MALRD1: variants seen among roughly 807,000 people sequenced by gnomAD.
MALRD1 encodes MAM and LDL-receptor class A domain-containing protein 1.
MALRD1 carries 247 observed loss-of-function variants against 242.1 expected under a neutral mutation model. That is an observed-to-expected ratio of 1.02 (90% CI 0.92 to 1.13). The LOEUF (loss-of-function observed/expected upper bound fraction) is 1.13, where lower values mean the gene tolerates loss of function less well. Ranked by LOEUF, MALRD1 falls within the 50% of genes most tolerant of loss-of-function variation. MALRD1 has a pLI of 0.00. For synonymous variants in MALRD1, 995 were observed against 866.6 expected, an observed-to-expected ratio of 1.15 and a Z score of -2.60; for missense variants, 2,989 against 2,533.1, an observed-to-expected ratio of 1.18 and a Z score of -3.86.
chr10:19,431,678 C>T (rs918940766), intron 28 of MALRD1, among the ~76,000 whole-genome samples: 1 of 152,128 alleles, frequency 6.6e-6, no homozygotes, highest in Non-Finnish European at 1.5e-5. Flanking sequence ...ATTTGTTGTT[C>T]CTTTATACAC....
chr10:19,353,224 C>T (rs1844475659), intron 26 of MALRD1, among the ~76,000 whole-genome samples: 1 of 152,028 alleles, frequency 6.6e-6, no homozygotes, highest in Non-Finnish European at 1.5e-5. Context: ...CTAGGTTGGT[C>T]TCAGACTCTG....
At chr10:19,520,204 C>A (rs981179667) in intron 31 of MALRD1, among the ~76,000 whole-genome samples, 2 of 151,934 alleles carry the variant, frequency 1.3e-5, no homozygotes, top group Non-Finnish European at 2.9e-5. Context: ...GTATCTAAAG[C>A]AAAAGCCTGT....
At chr10:19,081,319 G>A (rs552867489) in intron 2 of MALRD1, among the ~76,000 whole-genome samples, 8 of 152,252 alleles carry the variant, frequency 5.3e-5, no homozygotes, top group African/African-American at 9.6e-5. Context: ...ACATGCGTAT[G>A]TTCATTGGAG....
chr10:19,283,115 G>T lies in MALRD1; in HGVS notation c.3353G>T (p.Gly1118Val), dbSNP rs1402915932. The T allele has an allele frequency of 6.5e-7, 1 of 1,549,566 alleles. No homozygotes were observed. Residue 1118 changes from glycine to valine, a missense_variant, in exon 21 of 40, where the codon GGG (glycine) becomes GTG (valine). Gly to Val is a moderately radical substitution (Grantham distance 109). Transcript: ENST00000454679. ...CAAGATTCAAACACATTCAGGTGGGGGCTTGGGAACGGGATCAGCATTCAT... is the reference window on the plus strand; with the variant it reads ...CAAGATTCAAACACATTCAGGTGGGTGCTTGGGAACGGGATCAGCATTCAT... ...LLQDSNTFRW[G>V]LGNGISIHHG...
Position 19,569,745 on chromosome 10 carries a change from T to A in MALRD1, c.5680+2042T>A, listed in dbSNP as rs995525648. Among the ~76,000 whole-genome samples the A allele has an allele frequency of 6.8e-5, 10 of 147,236 alleles. No individual in the cohort carries two copies. In the East Asian group the frequency reaches 2.0e-3, roughly 29 times the overall value. On this transcript the variant is annotated intron_variant, in intron 33 of 39. Coordinates refer to ENST00000454679, the MANE Select transcript of MALRD1 (RefSeq NM_001142308.3). ...CTTATATATTAACATGCAGTCCATA[T>A]ATAGAATTCCATATTTATCATTATA... is the stretch of plus-strand genomic sequence containing the variant.
At chr10:19,533,048 G>A (rs1026077770) in intron 32 of MALRD1, among the ~76,000 whole-genome samples, 2 of 152,098 alleles carry the variant, frequency 1.3e-5, no homozygotes, top group African/African-American at 2.4e-5. Flanking sequence ...ATCAAAGCAA[G>A]CATCAGTGGA....
chr10:19,458,807 T>A (rs1016944733), intron 29 of MALRD1, among the ~76,000 whole-genome samples: 1 of 152,216 alleles, frequency 6.6e-6, no homozygotes, highest in African/African-American at 2.4e-5. Context: ...ATATCCCAGA[T>A]AGTATATCTA....
At position 19,049,226 on chromosome 10, in the gene MALRD1, C is replaced by G. The variant is rs564124757; in HGVS notation, c.199+89C>G. Reference sequence around the variant, plus strand: ...GCAGTCTGGGAGATTTGGCTAGATACTTGGCTCTGTATGCATTGTATCTTG... The same window carrying G: ...GCAGTCTGGGAGATTTGGCTAGATAGTTGGCTCTGTATGCATTGTATCTTG... On this transcript the variant is annotated intron_variant, in intron 1 of 39. Transcript: ENST00000454679. 3.4e-4 allele frequency: 358 copies of G among 1,063,518 alleles called. No homozygotes were observed. The Middle Eastern group carries it at 6.4e-3, about 19-fold the overall frequency. The allele number at this position is 1,063,518 out of a possible 1,614,324, so 65.9% of individuals were successfully genotyped here. A position where few individuals can be genotyped will look rare whatever the true frequency, so the allele number is the denominator to read the frequency against.
intron 18 of MALRD1, among the ~76,000 whole-genome samples, chr10:19,247,092 G>A (rs1295046265): frequency 6.6e-6 from 1 of 152,168 alleles, no homozygotes; most frequent in East Asian, 1.9e-4. Context: ...ATCAAAAATA[G>A]TTGATTTGCA....
At chr10:19,288,630 T>C (rs1841256278) in intron 21 of MALRD1, among the ~76,000 whole-genome samples, 1 of 152,138 alleles carries the variant, frequency 6.6e-6, no homozygotes, top group Non-Finnish European at 1.5e-5. Context: ...TGAGGTTCCG[T>C]AACTAGTATC....
At chr10:19,147,319 G>A (rs967725882) in intron 11 of MALRD1, among the ~76,000 whole-genome samples, 3 of 152,204 alleles carry the variant, frequency 2.0e-5, no homozygotes, top group Non-Finnish European at 4.4e-5. Context: ...GTTGGTGGTA[G>A]TGGGTGAGAG....
chr10:19,297,348 A>T (rs964956205), intron 21 of MALRD1, among the ~76,000 whole-genome samples: 1 of 151,844 alleles, frequency 6.6e-6, no homozygotes, highest in African/African-American at 2.4e-5. Context: ...TAAAACAGTT[A>T]ATTCTATAAT....
At chr10:19,404,080 A>G (rs1846985405) in intron 28 of MALRD1, among the ~76,000 whole-genome samples, 1 of 152,130 alleles carries the variant, frequency 6.6e-6, no homozygotes, top group South Asian at 2.1e-4. Flanking sequence ...AATATAGTAA[A>G]GCTTAGAGAA....
At chr10:19,303,126 C>A (rs916486251) in intron 21 of MALRD1, among the ~76,000 whole-genome samples, 2 of 151,550 alleles carry the variant, frequency 1.3e-5, no homozygotes, top group African/African-American at 4.8e-5. Context: ...CAAAACCCAA[C>A]TGTATGGTAC....
In MALRD1 at chr10:19,715,878, G is replaced by C. The variant is rs1834361759; in HGVS notation, c.6315-14828G>C. On this transcript the variant is annotated intron_variant, in intron 38 of 39. Coordinates refer to ENST00000454679, the MANE Select transcript of MALRD1 (RefSeq NM_001142308.3). The stretch of plus-strand genomic sequence containing the variant: ...GACCTCTCATGGATTCCTAGAGTGA[G>C]AACTCACTCATTACTGCAAGGGCAG... Among the ~76,000 whole-genome samples the C allele has an allele frequency of 1.3e-5, 2 of 152,180 alleles. 1 individual carries two copies. The highest frequency in any genetic ancestry group is 4.1e-4 in the South Asian group (2 of 4,830).
At chr10:19,706,262 C>T (rs1833860490) in intron 38 of MALRD1, among the ~76,000 whole-genome samples, 3 of 152,092 alleles carry the variant, frequency 2.0e-5, no homozygotes, top group African/African-American at 4.8e-5. Context: ...GTTGTAGAGA[C>T]GTGGTTAAGG....
chr10:19,531,180 T>A lies in MALRD1; in HGVS notation c.5321-14T>A. On this transcript the variant is annotated splice_polypyrimidine_tract_variant and intron_variant, in intron 31 of 39. Coordinates refer to ENST00000454679, the MANE Select transcript of MALRD1 (RefSeq NM_001142308.3). ...ATCATTACACTGAAAAAAATTTTGT[T>A]AATCTATTTCAAGGTAGTGGTCAGC... is the stretch of plus-strand genomic sequence containing the variant. 1 of 1,534,180 alleles carries A rather than the reference T, an allele frequency of 6.5e-7. No individual in the cohort carries two copies. The highest frequency in any genetic ancestry group is 8.8e-7 in the Non-Finnish European group (1 of 1,136,550).
At chr10:19,586,127 C>T (rs1440425723) in intron 33 of MALRD1, among the ~76,000 whole-genome samples, 1 of 152,120 alleles carries the variant, frequency 6.6e-6, no homozygotes, top group East Asian at 1.9e-4. Flanking sequence ...ATACATTCTT[C>T]TAAATTTTTT....
At chr10:19,695,299 C>T (rs1833322650) in intron 38 of MALRD1, among the ~76,000 whole-genome samples, 1 of 152,002 alleles carries the variant, frequency 6.6e-6, no homozygotes, top group African/African-American at 2.4e-5. Flanking sequence ...GCTAGATTTG[C>T]CATTACTGGT....
Sources: allele counts gnomAD v4.1 joint callset (sites outside exome capture counted in the v4.1 genomes callset), GRCh38; gene constraint gnomAD v4.1.1; transcripts MANE v1.5; gene names NCBI Gene and HGNC (gene_info 2026-07-23, HGNC 2026-07-21).